ITGBL1: variants seen among roughly 807,000 people sequenced by gnomAD.
The protein encoded by ITGBL1 is integrin beta-like protein 1.
ITGBL1 carries 51 observed loss-of-function variants against 68.5 expected under a neutral mutation model. The observed-to-expected ratio is 0.74, with a 90% confidence interval of 0.59 to 0.94. The LOEUF (loss-of-function observed/expected upper bound fraction) is 0.94, where lower values mean the gene tolerates loss of function less well. Among genes scored for constraint, ITGBL1 ranks in the 40% least tolerant of loss-of-function variants. The pLI is 0.00. For synonymous variants in ITGBL1, 209 were observed against 227.3 expected (o/e 0.92, Z 0.72); for missense variants, 649 against 647.4 (o/e 1.00, Z -0.03).
chr13:101,513,052 C>T (rs1277850538), intron 2 of ITGBL1, among the ~76,000 whole-genome samples: 1 of 151,986 alleles, frequency 6.6e-6, no homozygotes, highest in Non-Finnish European at 1.5e-5. Context: ...AACTATGGGT[C>T]CACCTATTTA....
intron 7 of ITGBL1, among the ~76,000 whole-genome samples, chr13:101,655,748 G>A (rs191613842): frequency 6.6e-6 from 1 of 152,214 alleles, no homozygotes; most frequent in Non-Finnish European, 1.5e-5. Context: ...TGAGCTGATC[G>A]TATGGAGGCA....
rs181662172 is a variant in ITGBL1, at chr13:101,598,885, G to A, written c.1015+586G>A. Among the ~76,000 whole-genome samples, 501 of 152,120 alleles carry A rather than the reference G, an allele frequency of 3.3e-3. 1 individual carries two copies. Among genetic ancestry groups the A allele is most frequent in the African/African-American group, 0.011 (469 of 41,492 alleles). ...AGTCTTTGCTATTGTGAATAGTGCC[G>A]CAATAAACATACGTGTGCATGTGTC... On this transcript the variant is annotated intron_variant, in intron 7 of 10. Coordinates refer to ENST00000376180, the MANE Select transcript of ITGBL1 (RefSeq NM_004791.3).
At chr13:101,603,899 G>C (rs2030539134) in intron 7 of ITGBL1, among the ~76,000 whole-genome samples, 1 of 151,670 alleles carries the variant, frequency 6.6e-6, no homozygotes, top group Non-Finnish European at 1.5e-5. Context: ...CAAAGCAAAG[G>C]GTGATCTGAT....
intron 6 of ITGBL1, 25 bp from the exon 7 acceptor site, chr13:101,598,128 A>AT (rs776505829): frequency 6.4e-7 from 1 of 1,569,294 alleles, no homozygotes; most frequent in Non-Finnish European, 8.6e-7. Context: ...GTACATTTTT[A>AT]TTTTTTGCCA....
intron 7 of ITGBL1, among the ~76,000 whole-genome samples, chr13:101,656,250 G>A (rs911052400): frequency 1.3e-5 from 2 of 152,134 alleles, no homozygotes; most frequent in Non-Finnish European, 2.9e-5. Context: ...TTCCCATTCA[G>A]ATCTTTAAAA....
chr13:101,667,200 G>A (rs1413915957), intron 7 of ITGBL1, among the ~76,000 whole-genome samples: 1 of 152,104 alleles, frequency 6.6e-6, no homozygotes, highest in African/African-American at 2.4e-5. Context: ...TGGCCATTAT[G>A]GAGATTGTTT....
At chr13:101,503,043 G>A (rs778154653) in intron 2 of ITGBL1, among the ~76,000 whole-genome samples, 19 of 152,140 alleles carry the variant, frequency 1.2e-4, no homozygotes, top group African/African-American at 4.1e-4. Context: ...ATCTGATAGT[G>A]GTTTGTTCAA....
chr13:101,575,287 C>G, intron 3 of ITGBL1, 137 bp from the exon 4 acceptor site: 1 of 805,136 alleles, frequency 1.2e-6, no homozygotes, highest in Non-Finnish European at 2.0e-6. Context: ...TTTACCTCAC[C>G]ATGCCCACAG....
At position 101,640,881 on chromosome 13, in the gene ITGBL1, A is replaced by C. The variant is rs1174713634; in HGVS notation, c.1015+42582A>C. ...TTATAAATGAAAACCTGAGAGCAGT[A>C]CATTAGCATGTCAAGTACTCCAGTG... On this transcript the variant is annotated intron_variant, in intron 7 of 10. Coordinates refer to ENST00000376180, the MANE Select transcript of ITGBL1 (RefSeq NM_004791.3). 4.6e-5 allele frequency among the ~76,000 whole-genome samples: 7 copies of C among 152,190 alleles called. No individual in the cohort carries two copies. The East Asian group carries it at 7.7e-4, about 17-fold the overall frequency.
At chr13:101,591,357 ATTTTC>A (rs1393437790) in intron 6 of ITGBL1, among the ~76,000 whole-genome samples, 6 of 152,158 alleles carry the variant, frequency 3.9e-5, no homozygotes, top group African/African-American at 7.2e-5. Context: ...AATAATAACA[ATTTTC>A]TTTTCCTTTC....
intron 2 of ITGBL1, among the ~76,000 whole-genome samples, chr13:101,481,360 G>A (rs915002287): frequency 1.3e-5 from 2 of 151,920 alleles, no homozygotes; most frequent in Non-Finnish European, 2.9e-5. Flanking sequence ...AGCTAATAGT[G>A]AAATTAATAA....
At chr13:101,464,582 G>T (rs997968262) in intron 2 of ITGBL1, among the ~76,000 whole-genome samples, 1 of 150,952 alleles carries the variant, frequency 6.6e-6, no homozygotes, top group Non-Finnish European at 1.5e-5. Context: ...TATTATTTAT[G>T]CTTGTATAGC....
chr13:101,595,470 T>C (rs1213126375), intron 6 of ITGBL1, among the ~76,000 whole-genome samples: 4 of 151,778 alleles, frequency 2.6e-5, no homozygotes, highest in African/African-American at 9.7e-5. Context: ...GGACAAACGT[T>C]GAAACTATAT....
chr13:101,488,558 C>G (rs1303115634), intron 2 of ITGBL1, among the ~76,000 whole-genome samples: 2 of 152,106 alleles, frequency 1.3e-5, no homozygotes, highest in Non-Finnish European at 2.9e-5. Context: ...AGCTGTTAAC[C>G]ACCTCAGTTT....
intron 7 of ITGBL1, among the ~76,000 whole-genome samples, chr13:101,684,017 C>T (rs990269556): frequency 1.3e-5 from 2 of 151,902 alleles, no homozygotes; most frequent in Non-Finnish European, 1.5e-5. Context: ...TGTGGCTCAC[C>T]TTTTCACTCT....
At chr13:101,660,261 G>A (rs1050074996) in intron 7 of ITGBL1, among the ~76,000 whole-genome samples, 2 of 152,150 alleles carry the variant, frequency 1.3e-5, no homozygotes, top group Non-Finnish European at 2.9e-5. Flanking sequence ...TAGTTTGGTG[G>A]ATAGGGGCCC....
At chr13:101,540,405 G>T (rs1292726915) in intron 2 of ITGBL1, among the ~76,000 whole-genome samples, 12 of 152,034 alleles carry the variant, frequency 7.9e-5, no homozygotes, top group Non-Finnish European at 1.5e-4. Flanking sequence ...CTGTTCCATT[G>T]GTCTATATCT....
At chr13:101,461,767 C>T (rs1181202658) in intron 2 of ITGBL1, among the ~76,000 whole-genome samples, 1 of 152,158 alleles carries the variant, frequency 6.6e-6, no homozygotes, top group African/African-American at 2.4e-5. Context: ...TCCCTGTCTG[C>T]AAAATTATGA....
chr13:101,457,831 A>C (rs2048265704), intron 2 of ITGBL1, among the ~76,000 whole-genome samples: 1 of 152,186 alleles, frequency 6.6e-6, no homozygotes, highest in Middle Eastern at 3.2e-3. Flanking sequence ...AGGAAAGAAA[A>C]AAAGAAAGAA....
Sources: gnomAD v4.1 joint callset for allele counts (sites outside exome capture counted in the v4.1 genomes callset) on GRCh38, gnomAD v4.1.1 for gene constraint, MANE v1.5 for transcripts, NCBI Gene and HGNC (gene_info 2026-07-23, HGNC 2026-07-21) for gene names.